Variants in GPT2 observed in about 807,000 individuals in gnomAD.
GPT2 encodes the protein glutamic--pyruvic transaminase 2, also known as alanine aminotransferase 2.
A neutral mutation model predicts 56.9 loss-of-function variants in GPT2; 30 were observed. The observed-to-expected ratio is 0.53, with a 90% confidence interval of 0.39 to 0.72. GPT2 has a LOEUF of 0.72. Ranked by LOEUF, GPT2 falls within the 30% of genes least tolerant of loss-of-function variation. The pLI, the probability that GPT2 is intolerant of heterozygous loss-of-function variation, is 0.00. For missense variants in GPT2, 542 were observed against 703.4 expected (o/e 0.77, Z 2.60); for synonymous variants, 271 against 283.1 (o/e 0.96, Z 0.43).
At chr16:46,922,773 C>A (rs913355237) in intron 9 of GPT2, among the ~76,000 whole-genome samples, 11 of 152,034 alleles carry the variant, frequency 7.2e-5, no homozygotes, top group Non-Finnish European at 1.3e-4. Context: ...GATCCCAGGC[C>A]CCCACCCGCC....
rs368047310 is a variant in GPT2, at chr16:46,922,462, A to G, written c.1212+46A>G. On this transcript the variant is annotated intron_variant, in intron 9 of 11. Coordinates refer to ENST00000340124, the MANE Select transcript of GPT2 (RefSeq NM_133443.4). ...CTGCACCCCTGTGGCCGGGGTCACG[A>G]GAGTTCCTGCTGGGCCAGTGGCCAG... 4 of 1,537,822 alleles carry G rather than the reference A, an allele frequency of 2.6e-6. No homozygotes were observed. The African/African-American group carries it at 5.5e-5, about 21-fold the overall frequency.
At position 46,884,681 on chromosome 16, in the gene GPT2, C is replaced by CT. The variant is rs2143301851; in HGVS notation, c.-22-8dup. The CT allele has an allele frequency of 1.5e-6, 2 of 1,367,112 alleles. No individual in the cohort carries two copies. Among genetic ancestry groups the CT allele is most frequent in the East Asian group, 2.8e-5 (1 of 35,688 alleles). 84.7% of individuals were successfully genotyped at this position (1,367,112 alleles called of 1,614,324 possible). On this transcript the variant is annotated splice_polypyrimidine_tract_variant and intron_variant, in intron 1 of 11. Coordinates refer to ENST00000340124, the MANE Select transcript of GPT2 (RefSeq NM_133443.4). ...TGCGCGACGTGTTTGTTCTTTTTCT[C>CT]TTTTTGTGCCAGGGTTTCTCTCCGC...
intron 2 of GPT2, chr16:46,885,163 C>A: frequency 7.7e-7 from 1 of 1,303,502 alleles, no homozygotes; most frequent in South Asian, 2.4e-5. Context: ...CCTTGCAATA[C>A]GGTTCACTTG....
chr16:46,889,211 T>A (rs927700830), intron 2 of GPT2, among the ~76,000 whole-genome samples: 1 of 149,574 alleles, frequency 6.7e-6, no homozygotes, highest in Non-Finnish European at 1.5e-5. Context: ...CATTTTTTTG[T>A]AGAGACAGGG....
chr16:46,928,936 T>G lies in GPT2; in HGVS notation c.1511T>G (p.Leu504Arg). The G allele has an allele frequency of 6.2e-7, 1 of 1,614,134 alleles. No individual in the cohort carries two copies. The highest frequency in any genetic ancestry group is 8.5e-7 in the Non-Finnish European group (1 of 1,179,982). Residue 504 changes from leucine to arginine, a missense_variant, in exon 12 of 12, where the codon CTG (leucine) becomes CGG (arginine). Physicochemically the swap from Leu to Arg is moderately radical, Grantham distance 102. Coordinates refer to ENST00000340124, the MANE Select transcript of GPT2 (RefSeq NM_133443.4). ...ACTATCCTCCCTCCAGTGGAGAAGCTGAAAACGGTGCTGCAGAAGGTGAAA... is the reference window on the plus strand; with the variant it reads ...ACTATCCTCCCTCCAGTGGAGAAGCGGAAAACGGTGCTGCAGAAGGTGAAA... Reference protein sequence around the residue: ...RMTILPPVEKLKTVLQKVKDF... With the variant: ...RMTILPPVEKRKTVLQKVKDF...
chr16:46,915,332 A>C (rs948865037), intron 6 of GPT2: 1 of 148,248 alleles, frequency 6.7e-6, no homozygotes, highest in African/African-American at 2.5e-5. Flanking sequence ...ACATACTACA[A>C]ACACTGCACA....
chr16:46,920,345 G>A (rs1961260680), intron 8 of GPT2, among the ~76,000 whole-genome samples: 1 of 152,262 alleles, frequency 6.6e-6, no homozygotes, highest in Admixed American at 6.5e-5. Context: ...TCTCCAGGCA[G>A]GCTGACCTCT....
chr16:46,892,965 C>T (rs1039027215), intron 2 of GPT2, among the ~76,000 whole-genome samples: 8 of 152,110 alleles, frequency 5.3e-5, no homozygotes, highest in Admixed American at 2.6e-4. Context: ...CACATCCTCC[C>T]GTATAATTAA....
At chr16:46,928,439 A>G (rs1249997373) in intron 11 of GPT2, among the ~76,000 whole-genome samples, 1 of 152,066 alleles carries the variant, frequency 6.6e-6, no homozygotes, top group Non-Finnish European at 1.5e-5. Flanking sequence ...CCTGGTCAAC[A>G]TGGTGAAACC....
At chr16:46,892,791 G>T (rs955083519) in intron 2 of GPT2, among the ~76,000 whole-genome samples, 1 of 151,964 alleles carries the variant, frequency 6.6e-6, no homozygotes, top group African/African-American at 2.4e-5. Context: ...TGAGTTGTAT[G>T]AATTCCTTAT....
chr16:46,900,643 G>C, intron 3 of GPT2, 39 bp from the exon 4 acceptor site: 3 of 1,503,146 alleles, frequency 2.0e-6, no homozygotes, highest in Non-Finnish European at 2.8e-6. Flanking sequence ...CTCTAGGAGT[G>C]GGGGTGCTGG....
chr16:46,897,641 T>C lies in GPT2; in HGVS notation c.244-7T>C. The C allele has an allele frequency of 1.2e-6, 2 of 1,613,692 alleles. No individual in the cohort carries two copies. The highest frequency in any genetic ancestry group is 1.7e-6 in the Non-Finnish European group (2 of 1,179,642). ...AAGTAACCACCTGTTGCTTTCTCTC[T>C]GCCCAGGGTATCAAAAAGCCATTCA... is the stretch of plus-strand genomic sequence containing the variant. On this transcript the variant is annotated splice_region_variant and splice_polypyrimidine_tract_variant and intron_variant, in intron 2 of 11. Coordinates refer to ENST00000340124, the MANE Select transcript of GPT2 (RefSeq NM_133443.4).
chr16:46,911,085 A>G (rs1039803616), intron 6 of GPT2, among the ~76,000 whole-genome samples: 3 of 152,180 alleles, frequency 2.0e-5, no homozygotes, highest in African/African-American at 7.2e-5. Context: ...TCTTTGATAC[A>G]GCACTGCTGT....
At chr16:46,896,754 G>A (rs67211229) in intron 2 of GPT2, among the ~76,000 whole-genome samples, 27,383 of 152,138 alleles carry the variant, frequency 0.18, 3,209 homozygotes, top group African/African-American at 0.33. Context: ...GTCAGGCAGC[G>A]GAGCAGCAGC....
chr16:46,888,049 C>T (rs1960519057), intron 2 of GPT2, among the ~76,000 whole-genome samples: 1 of 152,194 alleles, frequency 6.6e-6, no homozygotes, highest in African/African-American at 2.4e-5. Context: ...TCTGACAGTT[C>T]TTCCTCAACC....
intron 6 of GPT2, among the ~76,000 whole-genome samples, chr16:46,910,147 G>A (rs1018854714): frequency 3.3e-5 from 5 of 152,102 alleles, no homozygotes; most frequent in African/African-American, 7.2e-5. Flanking sequence ...TTGGGAGGCC[G>A]AGGCAGATGG....
Position 46,898,979 on chromosome 16 carries a change from T to C in GPT2, c.333+1242T>C, listed in dbSNP as rs1383481678. Among the ~76,000 whole-genome samples, 11 of 6,898 alleles carry C rather than the reference T, an allele frequency of 1.6e-3. No individual in the cohort carries two copies. In the East Asian group the frequency reaches 0.5, roughly 314 times the overall value. The allele number at this position is 6,898 out of a possible 152,430, so 4.5% of individuals were successfully genotyped here. ...GTGTATATATATACACACACACATATATATATATATATAACACACATATAT... is the reference window on the plus strand; with the variant it reads ...GTGTATATATATACACACACACATACATATATATATATAACACACATATAT... On this transcript the variant is annotated intron_variant, in intron 3 of 11. Transcript: ENST00000340124.
intron 11 of GPT2, among the ~76,000 whole-genome samples, chr16:46,928,310 A>C (rs112907601): frequency 0.044 from 6,723 of 151,960 alleles, 223 homozygotes; most frequent in Non-Finnish European, 0.071. Flanking sequence ...CTGGGGCAGC[A>C]GAGTGAGACC....
At chr16:46,896,535 C>T (rs1490550407) in intron 2 of GPT2, among the ~76,000 whole-genome samples, 1 of 152,142 alleles carries the variant, frequency 6.6e-6, no homozygotes, top group Non-Finnish European at 1.5e-5. Context: ...TGAGGATTCC[C>T]TGCTGATCCA....
Sources: allele counts gnomAD v4.1 joint callset (sites outside exome capture counted in the v4.1 genomes callset), GRCh38; gene constraint gnomAD v4.1.1; transcripts MANE v1.5; gene names NCBI Gene and HGNC (gene_info 2026-07-23, HGNC 2026-07-21).